Variants in POU6F2 observed in about 807,000 individuals in gnomAD.
POU6F2 encodes the protein POU domain, class 6, transcription factor 2.
POU6F2 carries 31 observed loss-of-function variants against 71.3 expected under a neutral mutation model. The observed-to-expected ratio is 0.43, with a 90% CI of 0.33 to 0.59. The LOEUF (loss-of-function observed/expected upper bound fraction) is 0.59, where lower values mean the gene tolerates loss of function less well. POU6F2 is among the 20% of genes least tolerant of loss of function. The pLI is 0.04. For missense variants in POU6F2, 783 were observed against 856.8 expected (o/e 0.91, Z 1.07); for synonymous variants, 347 against 355.7 (o/e 0.98, Z 0.27).
intron 1 of POU6F2, among the ~76,000 whole-genome samples, chr7:39,040,199 C>A (rs1374683791): frequency 7.4e-6 from 1 of 135,616 alleles, no homozygotes; most frequent in African/African-American, 2.7e-5. Context: ...CTATAGCAAG[C>A]TTTACAGGGC....
chr7:39,143,771 G>T (rs998224923), intron 2 of POU6F2, among the ~76,000 whole-genome samples: 1 of 152,162 alleles, frequency 6.6e-6, no homozygotes, highest in African/African-American at 2.4e-5. Flanking sequence ...GAGGGTAAAA[G>T]GAGGAACTTT....
chr7:39,185,851 GTATGTGTA>G lies in POU6F2; in HGVS notation c.278-18380_278-18373del, dbSNP rs1793527676. ...TGTATATGTATATGTATATGTATAT[GTATGTGTA>G]TATATGTATATATGTATATGTATAT... On this transcript the variant is annotated intron_variant, in intron 2 of 9. Coordinates refer to ENST00000518318, the MANE Select transcript of POU6F2 (RefSeq NM_001370959.1). 1.7e-4 allele frequency among the ~76,000 whole-genome samples: 8 copies of G among 48,138 alleles called. 1 individual carries two copies. In the East Asian group the frequency reaches 0.02, roughly 118 times the overall value. 31.6% of individuals were successfully genotyped at this position (48,138 alleles called of 152,430 possible).
chr7:39,062,297 C>T (rs189413275), intron 1 of POU6F2, among the ~76,000 whole-genome samples: 92 of 152,084 alleles, frequency 6.0e-4, no homozygotes, highest in Non-Finnish European at 1.1e-3. Context: ...ATCCTGCAGA[C>T]CTCCTCAGAG....
At chr7:39,313,482 A>T (rs116571499) in intron 4 of POU6F2, among the ~76,000 whole-genome samples, 2,086 of 152,170 alleles carry the variant, frequency 0.014, 41 homozygotes, top group African/African-American at 0.048. Flanking sequence ...AAGTTCCCTG[A>T]GGTTGCAAAT....
intron 4 of POU6F2, among the ~76,000 whole-genome samples, chr7:39,215,829 C>T (rs1794230430): frequency 6.6e-6 from 1 of 152,008 alleles, no homozygotes; most frequent in Non-Finnish European, 1.5e-5. Context: ...GGGAGAAGTC[C>T]TAAGTGCTAA....
chr7:39,364,845 T>C (rs1786466093), intron 5 of POU6F2, among the ~76,000 whole-genome samples: 1 of 152,232 alleles, frequency 6.6e-6, no homozygotes, highest in South Asian at 2.1e-4. Context: ...ATCTCTACAC[T>C]GTTTTCCATA....
chr7:39,409,980 G>A (rs575069591), intron 6 of POU6F2, among the ~76,000 whole-genome samples: 26 of 152,294 alleles, frequency 1.7e-4, no homozygotes, highest in Admixed American at 7.8e-4. Flanking sequence ...CCACCCATTC[G>A]TGTGTCATTC....
chr7:39,301,286 C>A (rs1784943913), intron 4 of POU6F2, among the ~76,000 whole-genome samples: 1 of 152,188 alleles, frequency 6.6e-6, no homozygotes, highest in Non-Finnish European at 1.5e-5. Context: ...GCATCCAGAA[C>A]TGAACACAAT....
chr7:39,009,479 C>A (rs1333041462), intron 1 of POU6F2, among the ~76,000 whole-genome samples: 1 of 152,136 alleles, frequency 6.6e-6, no homozygotes, highest in African/African-American at 2.4e-5. Context: ...CAGGGACAAT[C>A]TGACTTCTTC....
chr7:39,295,135 A>T (rs528279152), intron 4 of POU6F2, among the ~76,000 whole-genome samples: 1 of 151,370 alleles, frequency 6.6e-6, no homozygotes, highest in Non-Finnish European at 1.5e-5. Context: ...GATTGTTTTA[A>T]ATGCTTGCTT....
At chr7:39,326,315 T>C (rs770144360) in intron 4 of POU6F2, among the ~76,000 whole-genome samples, 1 of 152,234 alleles carries the variant, frequency 6.6e-6, no homozygotes, top group Non-Finnish European at 1.5e-5. Context: ...AAAGAACCGT[T>C]ATCCAAGGAG....
chr7:38,991,947 A>G (rs1788614597), intron 1 of POU6F2, among the ~76,000 whole-genome samples: 1 of 151,594 alleles, frequency 6.6e-6, no homozygotes, highest in South Asian at 2.1e-4. Flanking sequence ...CTTCTCTACA[A>G]TGGAATTGGC....
intron 5 of POU6F2, among the ~76,000 whole-genome samples, chr7:39,362,316 A>AT (rs961307345): frequency 2.6e-5 from 4 of 151,420 alleles, no homozygotes; most frequent in African/African-American, 9.7e-5. Context: ...GGGAAATGCA[A>AT]TTTTTTATTC....
At chr7:39,260,147 T>C (rs888054814) in intron 4 of POU6F2, among the ~76,000 whole-genome samples, 6 of 138,146 alleles carry the variant, frequency 4.3e-5, no homozygotes, top group African/African-American at 1.7e-4. Flanking sequence ...ACACACTCTG[T>C]ACTCATACAC....
chr7:39,179,152 T>C (rs2128740919), intron 2 of POU6F2, among the ~76,000 whole-genome samples: 1 of 152,280 alleles, frequency 6.6e-6, no homozygotes, highest in East Asian at 1.9e-4. Context: ...TTAAAGTCAC[T>C]GCTACTATAT....
chr7:39,189,376 G>GTT (rs1793611648), intron 2 of POU6F2, among the ~76,000 whole-genome samples: 2 of 151,142 alleles, frequency 1.3e-5, no homozygotes, highest in Non-Finnish European at 3.0e-5. Context: ...TTTTGTTTGT[G>GTT]TGTTTGTTTG....
intron 2 of POU6F2, among the ~76,000 whole-genome samples, chr7:39,141,224 T>C (rs1359085159): frequency 6.6e-6 from 1 of 152,208 alleles, no homozygotes; most frequent in African/African-American, 2.4e-5. Flanking sequence ...TAATTATTGA[T>C]TATCAATACA....
intron 6 of POU6F2, among the ~76,000 whole-genome samples, chr7:39,428,799 G>T (rs894446702): frequency 6.6e-6 from 1 of 151,988 alleles, no homozygotes; most frequent in Non-Finnish European, 1.5e-5. Context: ...CACTCATCAA[G>T]TTCATGTCCT....
intron 2 of POU6F2, among the ~76,000 whole-genome samples, chr7:39,173,705 G>A (rs532595026): frequency 3.7e-4 from 57 of 152,326 alleles, no homozygotes; most frequent in African/African-American, 1.3e-3. Flanking sequence ...TCTTTGTAAT[G>A]TTTAATCTAT....
Sources: gnomAD v4.1 joint callset for allele counts (sites outside exome capture counted in the v4.1 genomes callset) on GRCh38, gnomAD v4.1.1 for gene constraint, MANE v1.5 for transcripts, NCBI Gene and HGNC (gene_info 2026-07-23, HGNC 2026-07-21) for gene names.